SDK1: variants seen among roughly 807,000 people sequenced by gnomAD.
The protein encoded by SDK1 is sidekick cell adhesion molecule 1, also known as protein sidekick-1.
SDK1 carries 157 observed loss-of-function variants against 245.5 expected under a neutral mutation model. The observed-to-expected ratio is 0.64, with a 90% CI of 0.56 to 0.73. SDK1 has a LOEUF of 0.73. SDK1 is among the 30% of genes least tolerant of loss of function. The pLI, the probability that SDK1 is intolerant of heterozygous loss-of-function variation, is 0.00. For synonymous variants in SDK1, 1,647 were observed against 1,278.5 expected (o/e 1.29, Z -6.15); for missense variants, 3,583 against 3,002.3 (o/e 1.19, Z -4.52).
chr7:3,630,018 A>G (rs1287027841), intron 2 of SDK1, among the ~76,000 whole-genome samples: 1 of 152,256 alleles, frequency 6.6e-6, no homozygotes, highest in African/African-American at 2.4e-5. Flanking sequence ...TGGGACCATC[A>G]GGAAACTAGA....
At chr7:3,725,990 A>G (rs1422033709) in intron 4 of SDK1, among the ~76,000 whole-genome samples, 1 of 152,242 alleles carries the variant, frequency 6.6e-6, no homozygotes, top group Non-Finnish European at 1.5e-5. Context: ...TGCAAGACGG[A>G]CACTATTAAA....
At chr7:3,923,955 C>T (rs1386052773) in intron 5 of SDK1, among the ~76,000 whole-genome samples, 1 of 152,170 alleles carries the variant, frequency 6.6e-6, no homozygotes, top group Non-Finnish European at 1.5e-5. Flanking sequence ...GCAGGAGCTC[C>T]AGTGTGGGTG....
rs146287137 is a variant in SDK1, at chr7:3,964,879, C to G, written c.1429+2028C>G. ...TGAACTAGGGGTCCCTTCCTTGAAT[C>G]TTGCCCTCGGGTCAAATTTGTCTTT... On this transcript the variant is annotated intron_variant, in intron 9 of 44. Transcript: ENST00000404826. Among the ~76,000 whole-genome samples the G allele has an allele frequency of 1.2e-4, 19 of 152,294 alleles. No individual in the cohort carries two copies. In the East Asian group the frequency reaches 3.7e-3, roughly 29 times the overall value.
intron 4 of SDK1, among the ~76,000 whole-genome samples, chr7:3,685,201 G>A (rs1184361097): frequency 8.9e-6 from 1 of 112,868 alleles, no homozygotes; most frequent in Non-Finnish European, 1.9e-5. Context: ...AAATAAACTT[G>A]TGAACATTAA....
intron 25 of SDK1, among the ~76,000 whole-genome samples, chr7:4,120,239 G>A (rs557716049): frequency 1.0e-4 from 15 of 149,086 alleles, no homozygotes; most frequent in African/African-American, 3.7e-4. Flanking sequence ...GAAATTCCAG[G>A]GTTGATGGAA....
intron 5 of SDK1, among the ~76,000 whole-genome samples, chr7:3,859,696 C>T (rs1334051109): frequency 6.6e-6 from 1 of 152,172 alleles, no homozygotes; most frequent in Non-Finnish European, 1.5e-5. Context: ...CAGGGGACAG[C>T]CAGATGCTCA....
chr7:3,694,520 G>A (rs1784519828), intron 4 of SDK1, among the ~76,000 whole-genome samples: 1 of 152,032 alleles, frequency 6.6e-6, no homozygotes, highest in Admixed American at 6.6e-5. Context: ...CCTCAGTCGG[G>A]GACCTCTGGT....
At chr7:4,106,656 C>A (rs187346945) in intron 22 of SDK1, among the ~76,000 whole-genome samples, 1 of 152,174 alleles carries the variant, frequency 6.6e-6, no homozygotes, top group Non-Finnish European at 1.5e-5. Context: ...GCCGCACGCC[C>A]GGCGTTCTCA....
At chr7:3,871,667 G>A (rs984685952) in intron 5 of SDK1, among the ~76,000 whole-genome samples, 1 of 152,132 alleles carries the variant, frequency 6.6e-6, no homozygotes, top group Non-Finnish European at 1.5e-5. Context: ...AGCAAGTAGC[G>A]GGGAGGCGCC....
At chr7:3,540,160 A>G (rs892779079) in intron 1 of SDK1, among the ~76,000 whole-genome samples, 1 of 152,232 alleles carries the variant, frequency 6.6e-6, no homozygotes, top group Non-Finnish European at 1.5e-5. Context: ...TAATCCTAGC[A>G]CTTTGGAAGA....
intron 1 of SDK1, among the ~76,000 whole-genome samples, chr7:3,466,730 T>C (rs759510459): frequency 1.1e-4 from 16 of 152,008 alleles, no homozygotes; most frequent in Non-Finnish European, 2.1e-4. Context: ...TATACGATTA[T>C]GATAATCTGT....
intron 40 of SDK1, among the ~76,000 whole-genome samples, chr7:4,222,500 G>A (rs917089402): frequency 1.3e-5 from 2 of 152,042 alleles, no homozygotes; most frequent in African/African-American, 4.8e-5. Flanking sequence ...TCACCATGTT[G>A]GCCAGGCTGG....
At chr7:3,991,754 C>T (rs907404779) in intron 14 of SDK1, among the ~76,000 whole-genome samples, 31 of 152,336 alleles carry the variant, frequency 2.0e-4, no homozygotes, top group African/African-American at 7.0e-4. Flanking sequence ...CTGATTTCCA[C>T]TGTGTGAAGG....
In SDK1 at chr7:3,974,498, T is replaced by C. The variant is rs771341705; in HGVS notation, c.1947T>C (p.Ile649=). ...SGDIGDYSCE[I]VSEGGNDSRM... ...ACATCGGTGACTACAGCTGCGAGATTGTTTCTGAAGGAGGGAATGACTCCA... is the reference window on the plus strand; with the variant it reads ...ACATCGGTGACTACAGCTGCGAGATCGTTTCTGAAGGAGGGAATGACTCCA... The change falls in exon 13 of 45, where the codon ATT becomes ATC. Residue 649 remains isoleucine (I), a synonymous_variant. Transcript: ENST00000404826. 1 of 1,614,062 alleles carries C rather than the reference T, an allele frequency of 6.2e-7. No homozygotes were observed. The highest frequency in any genetic ancestry group is 8.5e-7 in the Non-Finnish European group (1 of 1,180,008).
intron 1 of SDK1, among the ~76,000 whole-genome samples, chr7:3,496,444 C>T (rs533254768): frequency 2.6e-5 from 4 of 151,618 alleles, no homozygotes; most frequent in South Asian, 2.1e-4. Context: ...CGAGGTATCA[C>T]GCTGTGTTTT....
chr7:3,402,187 C>A (rs1453418421), intron 1 of SDK1, among the ~76,000 whole-genome samples: 1 of 152,120 alleles, frequency 6.6e-6, no homozygotes. Flanking sequence ...CAGTATCCTG[C>A]ACTCAGTAGG....
chr7:3,365,005 C>G (rs1424866373), intron 1 of SDK1, among the ~76,000 whole-genome samples: 1 of 152,126 alleles, frequency 6.6e-6, no homozygotes, highest in African/African-American at 2.4e-5. Flanking sequence ...CACTTAAGAA[C>G]TTAATTTTCT....
intron 5 of SDK1, among the ~76,000 whole-genome samples, chr7:3,826,561 C>T (rs1779781052): frequency 6.6e-6 from 1 of 152,194 alleles, no homozygotes; most frequent in Admixed American, 6.5e-5. Context: ...ATGCCGTCGT[C>T]TTCAGTTGTC....
intron 5 of SDK1, among the ~76,000 whole-genome samples, chr7:3,867,093 T>C (rs944382906): frequency 2.6e-5 from 4 of 152,192 alleles, no homozygotes; most frequent in African/African-American, 9.6e-5. Flanking sequence ...AAGCCGTATT[T>C]TTCCAAGTGG....
Sources: gnomAD v4.1 joint callset for allele counts (sites outside exome capture counted in the v4.1 genomes callset) on GRCh38, gnomAD v4.1.1 for gene constraint, MANE v1.5 for transcripts, NCBI Gene and HGNC (gene_info 2026-07-23, HGNC 2026-07-21) for gene names.